The following UBR3 variants were observed in gnomAD, a reference collection of about 807,000 sequenced individuals.
UBR3 encodes ubiquitin protein ligase E3 component n-recognin 3.
UBR3 carries 85 observed loss-of-function variants against 243.2 expected under a neutral mutation model. The observed-to-expected ratio is 0.35, with a 90% CI of 0.29 to 0.42. The LOEUF (loss-of-function observed/expected upper bound fraction) is 0.42, where lower values mean the gene tolerates loss of function less well. Ranked by LOEUF, UBR3 falls within the 10% of genes least tolerant of loss-of-function variation. The pLI is 1.00. For synonymous variants in UBR3, 748 were observed against 799.8 expected, an observed-to-expected ratio of 0.94 and a Z score of 1.09; for missense variants, 1,686 against 2,300.8, an observed-to-expected ratio of 0.73 and a Z score of 5.47.
At chr2:169,861,811 CAAGTTGCTTCTAGAACTCT>C (rs886443737) in intron 1 of UBR3, among the ~76,000 whole-genome samples, 6 of 152,076 alleles carry the variant, frequency 3.9e-5, no homozygotes, top group Admixed American at 6.5e-5. Context: ...CTCCCTACAC[CAAGTTGCTTCTAGAACTCT>C]AATGATTTCA....
chr2:169,994,035 T>C (rs1574358184), intron 25 of UBR3, among the ~76,000 whole-genome samples: 3 of 152,174 alleles, frequency 2.0e-5, no homozygotes, highest in African/African-American at 7.2e-5. Context: ...TGGAGAGTTA[T>C]ATCATGTAGG....
chr2:169,838,923 A>C (rs1242903323), intron 1 of UBR3, among the ~76,000 whole-genome samples: 1 of 152,244 alleles, frequency 6.6e-6, no homozygotes, highest in Non-Finnish European at 1.5e-5. Context: ...GTGGGAATGT[A>C]AATTATTAAT....
chr2:170,005,156 G>A (rs959395041), intron 27 of UBR3, among the ~76,000 whole-genome samples: 2 of 152,116 alleles, frequency 1.3e-5, no homozygotes, highest in South Asian at 2.1e-4. Flanking sequence ...CCCTGGAGGC[G>A]GAGTTTGCAG....
chr2:169,935,606 G>T (rs2086296049), intron 19 of UBR3, among the ~76,000 whole-genome samples: 1 of 152,120 alleles, frequency 6.6e-6, no homozygotes, highest in African/African-American at 2.4e-5. Flanking sequence ...TTATATTTCT[G>T]TTGCCTCCTG....
At chr2:169,950,757 T>C (rs1371545924) in intron 23 of UBR3, among the ~76,000 whole-genome samples, 1 of 152,078 alleles carries the variant, frequency 6.6e-6, no homozygotes, top group African/African-American at 2.4e-5. Context: ...TACTGTGCAT[T>C]GTCACAAATT....
intron 32 of UBR3, among the ~76,000 whole-genome samples, chr2:170,053,344 C>T (rs13389089): frequency 0.27 from 41,314 of 152,056 alleles, 5,832 homozygotes; most frequent in South Asian, 0.41. Context: ...AAACCTTGGG[C>T]ACTGAGTCTC....
chr2:169,864,731 G>A (rs558892737), intron 1 of UBR3, among the ~76,000 whole-genome samples: 2 of 151,816 alleles, frequency 1.3e-5, no homozygotes, highest in Admixed American at 6.6e-5. Flanking sequence ...GTGAAACCCC[G>A]TCTCTACTAA....
At chr2:169,890,580 T>TAC (rs2084327657) in intron 5 of UBR3, among the ~76,000 whole-genome samples, 4 of 72,222 alleles carry the variant, frequency 5.5e-5, no homozygotes, top group African/African-American at 2.0e-4. Context: ...TATATATATA[T>TAC]GTATATATAT....
chr2:169,890,528 G>GATAT (rs2084288723), intron 5 of UBR3, among the ~76,000 whole-genome samples: 30 of 55,242 alleles, frequency 5.4e-4, no homozygotes, highest in African/African-American at 2.8e-3. Context: ...TTTTCTAGGA[G>GATAT]AGAGAGAGAG....
chr2:169,861,356 T>A (rs2083081989), intron 1 of UBR3, among the ~76,000 whole-genome samples: 1 of 152,198 alleles, frequency 6.6e-6, no homozygotes, highest in Non-Finnish European at 1.5e-5. Context: ...ACGCCCGTAA[T>A]CCCAGCACTC....
At chr2:169,882,167 A>G (rs1487288256) in intron 5 of UBR3, among the ~76,000 whole-genome samples, 1 of 131,554 alleles carries the variant, frequency 7.6e-6, no homozygotes, top group Non-Finnish European at 1.5e-5. Flanking sequence ...TATTTATCAT[A>G]TTTATATGTA....
rs927872660 is a variant in UBR3, at chr2:169,928,881, A to G, written c.2566+13A>G. ...TATACTCCCAAAGGTATGTTTATAT[A>G]CATAAATGGACTCTTTCAAATATCA... On this transcript the variant is annotated intron_variant, in intron 18 of 38. Coordinates refer to ENST00000272793, the MANE Select transcript of UBR3 (RefSeq NM_172070.4). 1.5e-6 allele frequency: 2 copies of G among 1,373,570 alleles called. No individual in the cohort carries two copies. Among genetic ancestry groups the G allele is most frequent in the African/African-American group, 2.9e-5 (2 of 69,338 alleles). 85.1% of individuals were successfully genotyped at this position (1,373,570 alleles called of 1,614,324 possible).
chr2:169,947,591 G>A lies in UBR3; in HGVS notation c.2960G>A (p.Ser987Asn), dbSNP rs1276389120. The A allele has an allele frequency of 9.8e-6, 15 of 1,528,062 alleles. No individual in the cohort carries two copies. The highest frequency in any genetic ancestry group is 1.4e-5 in the African/African-American group (1 of 71,782). 94.7% of individuals were successfully genotyped at this position (1,528,062 alleles called of 1,614,324 possible). A position where few individuals can be genotyped will look rare whatever the true frequency, so the allele number is the denominator to read the frequency against. Reference protein sequence around the residue: ...ERCHDSWFPGSNLVSNMRHFI... With the variant: ...ERCHDSWFPGNNLVSNMRHFI... ...TGTCATGACAGTTGGTTTCCTGGCAGTAACTTAGTGTCAAACATGCGACAC... is the reference window on the plus strand; with the variant it reads ...TGTCATGACAGTTGGTTTCCTGGCAATAACTTAGTGTCAAACATGCGACAC... Residue 987 changes from serine to asparagine, a missense_variant, in exon 22 of 39, where the codon AGT (serine) becomes AAT (asparagine). By Grantham distance (46) the Ser-to-Asn change is conservative. Transcript: ENST00000272793.
chr2:169,960,919 C>A (rs893053653), intron 24 of UBR3, among the ~76,000 whole-genome samples: 2 of 152,054 alleles, frequency 1.3e-5, no homozygotes, highest in African/African-American at 4.8e-5. Flanking sequence ...AACTCCTGGA[C>A]CCCTTCAAAG....
chr2:169,928,960 T>A, intron 18 of UBR3, 92 bp downstream of exon 18: 1 of 1,129,296 alleles, frequency 8.9e-7, no homozygotes, highest in Non-Finnish European at 1.1e-6. Flanking sequence ...TACCTTTTAT[T>A]CGTTCAAGCT....
intron 25 of UBR3, 47 bp downstream of exon 25, chr2:169,986,841 A>G (rs369873841): frequency 6.3e-6 from 10 of 1,585,716 alleles, no homozygotes; most frequent in Admixed American, 3.5e-5. Flanking sequence ...GAGCTGAAGT[A>G]TATACAACAG....
intron 6 of UBR3, among the ~76,000 whole-genome samples, chr2:169,893,392 CTA>C (rs1412200944): frequency 2.0e-5 from 3 of 152,124 alleles, no homozygotes; most frequent in South Asian, 2.1e-4. Flanking sequence ...AGAGTCATAA[CTA>C]TGAATTCTAT....
At chr2:170,058,342 G>T (rs1574463127) in intron 33 of UBR3, among the ~76,000 whole-genome samples, 1 of 152,024 alleles carries the variant, frequency 6.6e-6, no homozygotes, top group South Asian at 2.1e-4. Flanking sequence ...ATTTGAAGGG[G>T]TGTTAATTTG....
intron 30 of UBR3, among the ~76,000 whole-genome samples, chr2:170,024,741 C>T (rs560544916): frequency 7.0e-4 from 107 of 152,234 alleles, no homozygotes; most frequent in African/African-American, 2.4e-3. Flanking sequence ...TAAGGACAAA[C>T]TGGTCTTTCA....
Sources: gnomAD v4.1 joint callset for allele counts (sites outside exome capture counted in the v4.1 genomes callset) on GRCh38, gnomAD v4.1.1 for gene constraint, MANE v1.5 for transcripts, NCBI Gene and HGNC (gene_info 2026-07-23, HGNC 2026-07-21) for gene names.